The following PDE4D variants were observed in gnomAD, a reference collection of about 807,000 sequenced individuals.
PDE4D encodes 3',5'-cyclic-AMP phosphodiesterase 4D.
Under a neutral mutation model 87.4 loss-of-function variants are expected in PDE4D, and 24 were observed. The ratio of observed to expected loss-of-function variants is 0.27; its 90% CI spans 0.20 to 0.39. PDE4D has a LOEUF of 0.39. PDE4D is among the 10% of genes least tolerant of loss of function. PDE4D has a pLI of 1.00. For synonymous variants in PDE4D, 384 were observed against 383.2 expected (o/e 1.00, Z -0.02); for missense variants, 714 against 1,041.0 (o/e 0.69, Z 4.32).
chr5:59,283,435 G>C (rs1306536054), intron 1 of PDE4D, among the ~76,000 whole-genome samples: 1 of 151,942 alleles, frequency 6.6e-6, no homozygotes, highest in African/African-American at 2.4e-5. Context: ...ACCTTAAAAT[G>C]TCAAAGCCTG....
At chr5:60,172,415 C>T (rs920238622) in intron 2 of PDE4D, among the ~76,000 whole-genome samples, 1 of 151,818 alleles carries the variant, frequency 6.6e-6, no homozygotes, top group African/African-American at 2.4e-5. Flanking sequence ...CTGGGAAATA[C>T]CTCCAAAGGG....
At chr5:60,411,478 T>G (rs573602417) in intron 1 of PDE4D, among the ~76,000 whole-genome samples, 2 of 152,270 alleles carry the variant, frequency 1.3e-5, no homozygotes, top group Admixed American at 1.3e-4. Flanking sequence ...TTAGCTAATC[T>G]CATTATCATC....
chr5:59,469,938 G>C (rs905766873), intron 1 of PDE4D, among the ~76,000 whole-genome samples: 1 of 152,112 alleles, frequency 6.6e-6, no homozygotes, highest in Non-Finnish European at 1.5e-5. Flanking sequence ...AAGGCATTGT[G>C]CTTCTTGCTT....
chr5:59,012,366 TAA>T (rs1299666716), intron 6 of PDE4D, among the ~76,000 whole-genome samples: 10 of 152,082 alleles, frequency 6.6e-5, no homozygotes, highest in Admixed American at 6.5e-4. Flanking sequence ...GCAAATTGGA[TAA>T]AGAGTCAAGA....
intron 3 of PDE4D, among the ~76,000 whole-genome samples, chr5:59,927,964 T>G (rs1755471310): frequency 6.6e-6 from 1 of 152,214 alleles, no homozygotes; most frequent in Non-Finnish European, 1.5e-5. Context: ...TTCATTTTGT[T>G]TATATGCTTG....
At chr5:59,666,133 G>A (rs1746040939) in intron 1 of PDE4D, among the ~76,000 whole-genome samples, 1 of 152,070 alleles carries the variant, frequency 6.6e-6, no homozygotes, top group South Asian at 2.1e-4. Context: ...GCTAATTATT[G>A]TATTTTTAGT....
intron 1 of PDE4D, among the ~76,000 whole-genome samples, chr5:59,857,922 GGGGAGGGAGGA>G (rs1416393829): frequency 3.8e-5 from 5 of 131,010 alleles, no homozygotes; most frequent in African/African-American, 1.1e-4. Context: ...GGAGGGAAGG[GGGGAGGGAGGA>G]AAGCACATAG....
At chr5:60,504,488 C>T (rs1400369868) in intron 1 of PDE4D, among the ~76,000 whole-genome samples, 1 of 152,114 alleles carries the variant, frequency 6.6e-6, no homozygotes, top group African/African-American at 2.4e-5. Context: ...CTCCAGTGCA[C>T]TGTATTGTCC....
intron 1 of PDE4D, among the ~76,000 whole-genome samples, chr5:60,333,068 C>G (rs1036684049): frequency 6.6e-6 from 1 of 152,138 alleles, no homozygotes; most frequent in Non-Finnish European, 1.5e-5. Flanking sequence ...GATGACCTTC[C>G]TCTAGGTCTC....
intron 1 of PDE4D, among the ~76,000 whole-genome samples, chr5:60,469,121 A>G (rs1308114133): frequency 6.6e-6 from 1 of 152,116 alleles, no homozygotes; most frequent in Non-Finnish European, 1.5e-5. Context: ...GAGCCCCATA[A>G]ATAAGCATCT....
intron 1 of PDE4D, among the ~76,000 whole-genome samples, chr5:59,628,358 T>C (rs1445254854): frequency 6.6e-6 from 1 of 152,204 alleles, no homozygotes; most frequent in Non-Finnish European, 1.5e-5. Context: ...CTTCTATGTC[T>C]AGAAATGTCC....
intron 1 of PDE4D, among the ~76,000 whole-genome samples, chr5:59,540,130 T>C (rs1258996456): frequency 1.3e-5 from 2 of 152,146 alleles, no homozygotes; most frequent in African/African-American, 4.8e-5. Context: ...GATGCTAACC[T>C]GGGGAACACG....
chr5:60,334,465 T>C (rs1215916059), intron 1 of PDE4D, among the ~76,000 whole-genome samples: 1 of 152,188 alleles, frequency 6.6e-6, no homozygotes, highest in Admixed American at 6.5e-5. Flanking sequence ...TTCATCGCAG[T>C]GATCCCAGTA....
chr5:59,396,230 A>G (rs1789391100), intron 1 of PDE4D, among the ~76,000 whole-genome samples: 1 of 114,834 alleles, frequency 8.7e-6, no homozygotes, highest in South Asian at 3.1e-4. Flanking sequence ...AAATACACAG[A>G]ACGCCACAAA....
At chr5:59,272,786 C>T (rs1764072396) in intron 1 of PDE4D, among the ~76,000 whole-genome samples, 1 of 152,002 alleles carries the variant, frequency 6.6e-6, no homozygotes, top group Non-Finnish European at 1.5e-5. Flanking sequence ...TACAAGTTTG[C>T]CATGAAATCC....
chr5:59,810,302 C>T (rs555833689), intron 1 of PDE4D, among the ~76,000 whole-genome samples: 2 of 152,310 alleles, frequency 1.3e-5, no homozygotes, highest in African/African-American at 4.8e-5. Context: ...CAATGACGTT[C>T]AGCAATGTAT....
chr5:59,713,604 A>T (rs1437672060), intron 1 of PDE4D, among the ~76,000 whole-genome samples: 4 of 152,164 alleles, frequency 2.6e-5, no homozygotes, highest in African/African-American at 9.7e-5. Flanking sequence ...ACAGGATCCC[A>T]AGGTGGGCGA....
chr5:59,430,802 ATAG>A (rs1470838573), intron 1 of PDE4D, among the ~76,000 whole-genome samples: 1 of 152,160 alleles, frequency 6.6e-6, no homozygotes, highest in Non-Finnish European at 1.5e-5. Context: ...ACCTAATGTA[ATAG>A]TAGTTTGGTA....
chr5:59,742,154 C>T (rs1758941126), intron 1 of PDE4D, among the ~76,000 whole-genome samples: 1 of 152,120 alleles, frequency 6.6e-6, no homozygotes, highest in Admixed American at 6.5e-5. Context: ...ACCTCCACCT[C>T]CCAGGTTCAA....
Sources: allele counts gnomAD v4.1 joint callset (sites outside exome capture counted in the v4.1 genomes callset), GRCh38; gene constraint gnomAD v4.1.1; transcripts MANE v1.5; gene names NCBI Gene and HGNC (gene_info 2026-07-23, HGNC 2026-07-21).